Variants in ROCK2 observed in about 807,000 individuals in gnomAD.
The protein encoded by ROCK2 is Rho associated coiled-coil containing protein kinase 2.
Under a neutral mutation model 195.1 loss-of-function variants are expected in ROCK2, and 61 were observed. The ratio of observed to expected loss-of-function variants is 0.31; its 90% CI spans 0.25 to 0.39. The LOEUF (loss-of-function observed/expected upper bound fraction) is 0.39, where lower values mean the gene tolerates loss of function less well. Among genes scored for constraint, ROCK2 ranks in the 10% least tolerant of loss-of-function variants. ROCK2 has a pLI of 1.00. For missense variants in ROCK2, 1,109 were observed against 1,637.4 expected, an observed-to-expected ratio of 0.68 and a Z score of 5.57; for synonymous variants, 504 against 545.5, an observed-to-expected ratio of 0.92 and a Z score of 1.06.
Position 11,223,728 on chromosome 2 carries a change from C to T in ROCK2, c.1007+594G>A, listed in dbSNP as rs558951424. On this transcript the variant is annotated intron_variant, in intron 7 of 32. Coordinates refer to ENST00000315872, the MANE Select transcript of ROCK2 (RefSeq NM_004850.5). ...GATGACTCCTATCACAAATATAAAA[C>T]GGGACATTAGAAAAAAATGGAATGG... Among the ~76,000 whole-genome samples, 8 of 151,940 alleles carry T rather than the reference C, an allele frequency of 5.3e-5. No homozygotes were observed. In the East Asian group the frequency reaches 5.8e-4, roughly 11 times the overall value.
chr2:11,288,582 C>A (rs1667268881), intron 1 of ROCK2, among the ~76,000 whole-genome samples: 1 of 152,186 alleles, frequency 6.6e-6, no homozygotes, highest in Non-Finnish European at 1.5e-5. Flanking sequence ...CAACCTAAAT[C>A]TTAGGAGGTC....
intron 18 of ROCK2, 90 bp downstream of exon 18, chr2:11,211,591 A>AT (rs1322369538): frequency 1.6e-6 from 2 of 1,241,564 alleles, no homozygotes; most frequent in East Asian, 4.9e-5. Context: ...ACAATGAAAT[A>AT]TAAAAAAAAA....
intron 4 of ROCK2, among the ~76,000 whole-genome samples, chr2:11,248,450 G>T (rs1449601857): frequency 1.3e-5 from 2 of 152,050 alleles, no homozygotes; most frequent in Non-Finnish European, 1.5e-5. Flanking sequence ...GCTCACATCT[G>T]TAATCCCAGC....
At chr2:11,229,106 C>G (rs1396957359) in intron 5 of ROCK2, among the ~76,000 whole-genome samples, 2 of 151,978 alleles carry the variant, frequency 1.3e-5, no homozygotes, top group African/African-American at 2.4e-5. Context: ...TTGGGTAGGA[C>G]TAAAGATTTT....
chr2:11,313,154 C>A (rs1424488291), intron 1 of ROCK2, among the ~76,000 whole-genome samples: 1 of 152,056 alleles, frequency 6.6e-6, no homozygotes, highest in African/African-American at 2.4e-5. Flanking sequence ...AACATTGGTT[C>A]ATTAACTGTA....
intron 1 of ROCK2, among the ~76,000 whole-genome samples, chr2:11,320,209 T>C (rs543831579): frequency 1.7e-4 from 26 of 152,306 alleles, no homozygotes; most frequent in Middle Eastern, 3.4e-3. Flanking sequence ...ACAACAAAAC[T>C]GCTTTAAAAA....
chr2:11,209,925 G>A (rs962213570), intron 18 of ROCK2, among the ~76,000 whole-genome samples: 3 of 152,088 alleles, frequency 2.0e-5, no homozygotes, highest in Admixed American at 1.3e-4. Context: ...TCACAACAAC[G>A]TAACAATACT....
chr2:11,182,940 A>T lies in ROCK2; in HGVS notation c.*497T>A, dbSNP rs1426153904. On this transcript the variant is annotated 3_prime_UTR_variant, in exon 33 of 33. Coordinates refer to ENST00000315872, the MANE Select transcript of ROCK2 (RefSeq NM_004850.5). ...TGGGAAGTTTAAAAAACCTTCTTGC[A>T]GTATTAGAGTACTATATATATATAT... The T allele has an allele frequency of 3.5e-5, 5 of 141,270 alleles. No individual in the cohort carries two copies. Among genetic ancestry groups the T allele is most frequent in the Non-Finnish European group, 7.6e-5 (5 of 66,180 alleles). 8.8% of individuals were successfully genotyped at this position (141,270 alleles called of 1,614,324 possible). A position where few individuals can be genotyped will look rare whatever the true frequency, so the allele number is the denominator to read the frequency against.
rs1669224228 is a variant in ROCK2 at position 11,344,516 on chromosome 2, G to A, written c.-380C>T. 2 of 985,800 alleles carry A rather than the reference G, an allele frequency of 2.0e-6. No individual in the cohort carries two copies. Among genetic ancestry groups the A allele is most frequent in the African/African-American group, 1.8e-5 (1 of 56,720 alleles). 61.1% of individuals were successfully genotyped at this position (985,800 alleles called of 1,614,324 possible). ...CGCCCCGCCCTCTGGGGCCCCGGGAGGCTGAAGCCCAGGCCTGGGCCACTA... is the reference window on the plus strand; with the variant it reads ...CGCCCCGCCCTCTGGGGCCCCGGGAAGCTGAAGCCCAGGCCTGGGCCACTA... On this transcript the variant is annotated 5_prime_UTR_variant, in exon 1 of 33. Coordinates refer to ENST00000315872, the MANE Select transcript of ROCK2 (RefSeq NM_004850.5). The surrounding 1 kb of genome is among the most constrained non-coding windows in gnomAD (Gnocchi z 5.4).
At chr2:11,239,247 G>A (rs1243739661) in intron 4 of ROCK2, among the ~76,000 whole-genome samples, 1 of 152,068 alleles carries the variant, frequency 6.6e-6, no homozygotes, top group Non-Finnish European at 1.5e-5. Flanking sequence ...TTTCTGGCTT[G>A]AAAGATACTA....
intron 1 of ROCK2, among the ~76,000 whole-genome samples, chr2:11,331,581 C>CA (rs151085792): frequency 0.73 from 109,381 of 149,640 alleles, 41,585 homozygotes; most frequent in East Asian, 0.94. Context: ...CAGAATGGAA[C>CA]AAAAAAAAAA....
At chr2:11,214,690 TA>T in intron 16 of ROCK2, 149 bp downstream of exon 16, 1 of 804,128 alleles carries the variant, frequency 1.2e-6, no homozygotes, top group Non-Finnish European at 1.9e-6. Context: ...CTTTTGTTCC[TA>T]AAATTTTGTA....
intron 3 of ROCK2, among the ~76,000 whole-genome samples, chr2:11,263,907 G>A (rs1014109612): frequency 1.3e-5 from 2 of 150,258 alleles, no homozygotes; most frequent in Non-Finnish European, 3.0e-5. Context: ...GTTTATATTA[G>A]TCAGATCAGA....
intron 1 of ROCK2, among the ~76,000 whole-genome samples, chr2:11,289,294 C>T (rs1039632450): frequency 5.3e-5 from 8 of 152,128 alleles, no homozygotes; most frequent in African/African-American, 1.9e-4. Context: ...TCCAAAACAG[C>T]TGGACTACTT....
chr2:11,275,833 G>A (rs994150425), intron 3 of ROCK2, among the ~76,000 whole-genome samples: 2 of 151,750 alleles, frequency 1.3e-5, no homozygotes, highest in Non-Finnish European at 2.9e-5. Context: ...CCTAGCAGCT[G>A]GGATTACAGC....
intron 28 of ROCK2, among the ~76,000 whole-genome samples, chr2:11,194,690 TCA>T (rs1663560978): frequency 1.3e-5 from 2 of 152,184 alleles, no homozygotes; most frequent in South Asian, 4.1e-4. Context: ...TTTACTATAT[TCA>T]CAGTTCTTTT....
intron 1 of ROCK2, among the ~76,000 whole-genome samples, chr2:11,306,887 C>CAA (rs1257012853): frequency 6.6e-6 from 1 of 152,018 alleles, no homozygotes; most frequent in Non-Finnish European, 1.5e-5. Context: ...CAAATGCTGA[C>CAA]AGAGAGGAAT....
chr2:11,310,304 G>C (rs916301970), intron 1 of ROCK2, among the ~76,000 whole-genome samples: 3 of 152,042 alleles, frequency 2.0e-5, no homozygotes, highest in African/African-American at 7.2e-5. Context: ...GGCCATCACT[G>C]TAAAGTCTTA....
intron 20 of ROCK2, among the ~76,000 whole-genome samples, chr2:11,205,928 G>A (rs1383711890): frequency 6.6e-6 from 1 of 152,052 alleles, no homozygotes. Flanking sequence ...GGCCAACATG[G>A]TGAAACCCTA....
Sources: gnomAD v4.1 joint callset for allele counts (sites outside exome capture counted in the v4.1 genomes callset) on GRCh38, gnomAD v4.1.1 for gene constraint, Gnocchi (gnomAD v3.1) non-coding constraint, MANE v1.5 for transcripts, NCBI Gene and HGNC (gene_info 2026-07-23, HGNC 2026-07-21) for gene names.